The following NLGN3 variants were observed in gnomAD, a reference collection of about 807,000 sequenced individuals.
The protein encoded by NLGN3 is neuroligin 3.
A neutral mutation model predicts 42.9 loss-of-function variants in NLGN3; 11 were observed. That is an observed-to-expected ratio of 0.26 (90% CI 0.16 to 0.42). The LOEUF (loss-of-function observed/expected upper bound fraction) is 0.42. Ranked by LOEUF, NLGN3 falls within the 10% of genes least tolerant of loss-of-function variation. The pLI is 1.00. For missense variants in NLGN3, 374 were observed against 733.8 expected (o/e 0.51, Z 5.67); for synonymous variants, 279 against 312.7 (o/e 0.89, Z 1.14).
intron 5 of NLGN3, 90 bp from the exon 6 acceptor site, chrX:71,164,052 TC>T: frequency 6.0e-6 from 5 of 837,259 alleles, no homozygotes; most frequent in Non-Finnish European, 8.8e-6. Context: ...CATTCTCTAT[TC>T]CCACCTCCCC....
chrX:71,165,130 A>G (rs1298757705), intron 6 of NLGN3, among the ~76,000 whole-genome samples: 2 of 111,707 alleles, frequency 1.8e-5, no homozygotes, highest in African/African-American at 6.5e-5. Context: ...TTCTTTTTTA[A>G]TTGAACACTA....
In NLGN3 at chrX:71,170,157, G is replaced by GCACACA. The variant is rs112095862; in HGVS notation, c.*76_*81dup. The GCACACA allele has an allele frequency of 3.8e-5, 40 of 1,060,757 alleles. No individual in the cohort carries two copies. The highest frequency in any genetic ancestry group is 3.0e-4 in the Middle Eastern group (1 of 3,346). The allele number at this position is 1,060,757 out of a possible 1,213,427, so 87.4% of individuals were successfully genotyped here. ...CTCCCTCCCAGATCCAGGAACACAT[G>GCACACA]CACACACACACACACACACACGCAG... On this transcript the variant is annotated 3_prime_UTR_variant, in exon 8 of 8. Coordinates refer to ENST00000358741, the MANE Select transcript of NLGN3 (RefSeq NM_181303.2).
At chrX:71,145,363 C>A (rs1198257739) in intron 1 of NLGN3, among the ~76,000 whole-genome samples, 2 of 95,444 alleles carry the variant, frequency 2.1e-5, no homozygotes, top group Middle Eastern at 5.0e-3. Context: ...GCAGCCCCCC[C>A]ACCCAATGGA....
intron 6 of NLGN3, 85 bp downstream of exon 6, chrX:71,164,413 G>A (rs2092440154): frequency 2.1e-6 from 2 of 960,718 alleles, no homozygotes; most frequent in South Asian, 4.5e-5. Context: ...GCATCCAAGG[G>A]AATCGGCCAG....
rs1168453634 is a variant in NLGN3 at position 71,146,172 on chromosome X, G to GACACACACACACACACACACACAC, written c.-201+1234_-201+1257dup. ...TCTCTCTCACACACACACACACACAGACACACACACACACACACACACACA... is the reference window on the plus strand; with the variant it reads ...TCTCTCTCACACACACACACACACAGACACACACACACACACACACACACACACACACACACACACACACACACA... On this transcript the variant is annotated intron_variant, in intron 1 of 7. Transcript: ENST00000358741. Among the ~76,000 whole-genome samples, 3 of 38,219 alleles carry GACACACACACACACACACACACAC rather than the reference G, an allele frequency of 7.8e-5. No homozygotes were observed. The Admixed American group carries it at 1.0e-3, about 13-fold the overall frequency. The allele number at this position is 38,219 out of a possible 115,157, so 33.2% of individuals were successfully genotyped here. A position where few individuals can be genotyped will look rare whatever the true frequency, so the allele number is the denominator to read the frequency against.
intron 5 of NLGN3, among the ~76,000 whole-genome samples, chrX:71,159,587 C>A (rs773557613): frequency 1.3e-4 from 15 of 111,607 alleles, no homozygotes; most frequent in Admixed American, 1.9e-4. Flanking sequence ...TCCTGCACAC[C>A]CTTCAGTTCC....
intron 6 of NLGN3, among the ~76,000 whole-genome samples, chrX:71,165,560 C>A (rs1003812748): frequency 3.6e-5 from 4 of 110,012 alleles, no homozygotes; most frequent in Non-Finnish European, 7.6e-5. Context: ...CTCTGTTCCC[C>A]AGGCTCTGTC....
chrX:71,150,967 A>G (rs746479865), intron 3 of NLGN3, among the ~76,000 whole-genome samples: 10 of 111,802 alleles, frequency 8.9e-5, no homozygotes, highest in African/African-American at 3.3e-4. Flanking sequence ...GGAAAGATTT[A>G]GAAATGACTA....
At position 71,155,302 on chromosome X, in the gene NLGN3, C is replaced by T; in HGVS notation, c.666C>T (p.Ser222=). The T allele has an allele frequency of 8.2e-7, 1 of 1,212,134 alleles. No individual in the cohort carries two copies. Among genetic ancestry groups the T allele is most frequent in the Non-Finnish European group, 1.1e-6 (1 of 895,404 alleles). ...GGACAGGCAACATGATTGATGGCAG[C>T]ATCCTCGCCAGTTATGGCAATGTCA... ...MEGTGNMIDG[S]ILASYGNVIV... Residue 222 remains serine, a synonymous_variant, in exon 5 of 8, where the codon AGC becomes AGT. Coordinates refer to ENST00000358741, the MANE Select transcript of NLGN3 (RefSeq NM_181303.2).
Position 71,170,851 on chromosome X carries a change from G to A in NLGN3, c.*754G>A, listed in dbSNP as rs913014888. 65 of 754,375 alleles carry A rather than the reference G, an allele frequency of 8.6e-5. No homozygotes were observed. The highest frequency in any genetic ancestry group is 3.8e-5 in the Non-Finnish European group (24 of 639,962). The allele number at this position is 754,375 out of a possible 1,213,427, so 62.2% of individuals were successfully genotyped here. A position where few individuals can be genotyped will look rare whatever the true frequency, so the allele number is the denominator to read the frequency against. The stretch of plus-strand genomic sequence containing the variant: ...TGGAGGGCTGCAGAGCCTGCAGGGT[G>A]ACCTGCTTCCCCAAAGGCCAACAGC... On this transcript the variant is annotated 3_prime_UTR_variant, in exon 8 of 8. Transcript: ENST00000358741.
rs762268631 is a variant in NLGN3 at position 71,170,365 on chromosome X, T to G, written c.*268T>G. The G allele has an allele frequency of 2.1e-5, 21 of 1,004,228 alleles. No individual in the cohort carries two copies. In the Admixed American group the frequency reaches 8.8e-4, roughly 42 times the overall value. The allele number at this position is 1,004,228 out of a possible 1,213,427, so 82.8% of individuals were successfully genotyped here. A position where few individuals can be genotyped will look rare whatever the true frequency, so the allele number is the denominator to read the frequency against. ...GAGTCCTCGGTAAACCGAGGACCCA[T>G]GAAACAGCAGCTGAAGCCAGCTCCC... On this transcript the variant is annotated 3_prime_UTR_variant, in exon 8 of 8. Coordinates refer to ENST00000358741, the MANE Select transcript of NLGN3 (RefSeq NM_181303.2).
At position 71,170,028 on chromosome X, in the gene NLGN3, C is replaced by T. The variant is rs199934486; in HGVS notation, c.2478C>T (p.Pro826=). ...NSLVGLQTLH[P]YNTFAAGFNS... ...TGGTAGGGCTGCAGACATTGCACCC[C>T]TATAACACCTTTGCCGCAGGGTTCA... Residue 826 remains proline, a synonymous_variant, in exon 8 of 8, where the codon CCC becomes CCT. Coordinates refer to ENST00000358741, the MANE Select transcript of NLGN3 (RefSeq NM_181303.2). 8.3e-7 allele frequency: 1 copy of T among 1,207,539 alleles called. No individual in the cohort carries two copies. The highest frequency in any genetic ancestry group is 3.0e-5 in the East Asian group (1 of 33,681).
At chrX:71,171,992 T>A, downstream of NLGN3, among the ~76,000 whole-genome samples, 1 of 111,412 alleles carries the variant, frequency 9.0e-6, no homozygotes, top group African/African-American at 3.3e-5. Context: ...CCTGATAAAA[T>A]GAGGGAGATG....
downstream of NLGN3, chrX:71,171,593 G>C (rs1336838161): frequency 4.9e-6 from 3 of 611,365 alleles, no homozygotes; most frequent in African/African-American, 7.3e-5. Context: ...ACCTTGGACT[G>C]GGGGCTGGGA....
intron 3 of NLGN3, among the ~76,000 whole-genome samples, chrX:71,151,042 G>T (rs1028913972): frequency 1.8e-5 from 2 of 112,343 alleles, no homozygotes; most frequent in Non-Finnish European, 3.8e-5. Flanking sequence ...GTTTGGCCGG[G>T]CGCGGTGGCT....
chrX:71,148,337 T>C, intron 2 of NLGN3, 131 bp downstream of exon 2: 1 of 539,157 alleles, frequency 1.9e-6, no homozygotes, highest in Non-Finnish European at 3.2e-6. Flanking sequence ...ACCATCACTC[T>C]GCTTGGCCTC....
In NLGN3 at chrX:71,147,872, A is replaced by C. The variant is rs767975466; in HGVS notation, c.123A>C (p.Ala41=). ...LALRASTQAP[A]PTVNTHFGKL... is the part of the protein sequence containing the mutation. The stretch of plus-strand genomic sequence containing the variant: ...TGAGGGCCAGTACCCAGGCCCCAGC[A>C]CCCACAGTCAACACTCACTTTGGGA... The change falls in exon 2 of 8, where the codon GCA becomes GCC. Residue 41 remains alanine, a synonymous_variant. Coordinates refer to ENST00000358741, the MANE Select transcript of NLGN3 (RefSeq NM_181303.2). The C allele has an allele frequency of 2.5e-6, 3 of 1,207,592 alleles. No homozygotes were observed. In the South Asian group the frequency reaches 5.3e-5, roughly 21 times the overall value.
At chrX:71,161,501 G>T (rs184457995) in intron 5 of NLGN3, among the ~76,000 whole-genome samples, 212 of 109,963 alleles carry the variant, frequency 1.9e-3, no homozygotes, top group Middle Eastern at 4.7e-3. Context: ...CTTAACCAGA[G>T]ACTCATAGGA....
intron 3 of NLGN3, 83 bp downstream of exon 3, chrX:71,148,988 T>C: frequency 1.7e-6 from 1 of 578,336 alleles, no homozygotes; most frequent in Non-Finnish European, 2.6e-6. Context: ...GGACCCAGCC[T>C]TCCTCCAAGT....
Sources: gnomAD v4.1 joint callset for allele counts (sites outside exome capture counted in the v4.1 genomes callset) on GRCh38, gnomAD v4.1.1 for gene constraint, MANE v1.5 for transcripts, NCBI Gene and HGNC (gene_info 2026-07-23, HGNC 2026-07-21) for gene names.